OVAAL: variants seen among roughly 807,000 people sequenced by gnomAD.
OVAAL encodes the protein ovarian adenocarcinoma amplified long non-coding RNA.
At chr1:180,562,746 A>G (rs1653230574) in intron 2 of OVAAL, among the ~76,000 whole-genome samples, 1 of 152,174 alleles carries the variant, frequency 6.6e-6, no homozygotes, top group Non-Finnish European at 1.5e-5. Context: ...CTGGACAAAT[A>G]TCTGAATCAG....
chr1:180,559,062 C>A (rs7535761), intron 1 of OVAAL: 89,603 of 155,740 alleles, frequency 0.58, 26,684 homozygotes, highest in East Asian at 0.87. Context: ...AACTGTAAGT[C>A]CAATCAAATA....
chr1:180,559,690 G>A lies in OVAAL; in HGVS notation n.373-2514G>A, dbSNP rs548398926. 1.2e-4 allele frequency among the ~76,000 whole-genome samples: 19 copies of A among 152,032 alleles called. No individual in the cohort carries two copies. In the South Asian group the frequency reaches 2.9e-3, roughly 23 times the overall value. ...TGGGAGGCCGAGGTGGGTGGATCAC[G>A]AGGTCAGGAGCTCGAGACCAGCCTG... On this transcript the variant is annotated intron_variant and non_coding_transcript_variant, in intron 1 of 2. Coordinates refer to ENST00000673955, the Ensembl canonical transcript of OVAAL.
intron 1 of OVAAL, among the ~76,000 whole-genome samples, chr1:180,560,916 A>G (rs1026422297): frequency 2.6e-5 from 4 of 152,208 alleles, no homozygotes; most frequent in African/African-American, 9.6e-5. Flanking sequence ...TTGTTCTAGG[A>G]ATACCAAAGA....
intron 1 of OVAAL, among the ~76,000 whole-genome samples, chr1:180,561,122 T>C (rs1396342560): frequency 6.6e-6 from 1 of 152,186 alleles, no homozygotes; most frequent in Non-Finnish European, 1.5e-5. Context: ...TTTGCTCTGC[T>C]CTTCCCTGGC....
At chr1:180,561,305 A>T (rs1040724421) in intron 1 of OVAAL, among the ~76,000 whole-genome samples, 1 of 152,220 alleles carries the variant, frequency 6.6e-6, no homozygotes, top group Admixed American at 6.5e-5. Context: ...AGCTGCAGTT[A>T]TGGCAAGAAG....
intron 2 of OVAAL, among the ~76,000 whole-genome samples, chr1:180,564,019 A>G (rs1462271850): frequency 6.6e-6 from 1 of 152,142 alleles, no homozygotes; most frequent in Non-Finnish European, 1.5e-5. Context: ...CTAGCTACCT[A>G]CTGTAACAGG....
At chr1:180,563,391 C>T (rs1034056033) in intron 2 of OVAAL, among the ~76,000 whole-genome samples, 4 of 152,104 alleles carry the variant, frequency 2.6e-5, no homozygotes, top group East Asian at 1.9e-4. Flanking sequence ...GTGGAGAATT[C>T]GTACGGGTCG....
chr1:180,561,025 T>TTCAC (rs1347089559), intron 1 of OVAAL, among the ~76,000 whole-genome samples: 1 of 152,074 alleles, frequency 6.6e-6, no homozygotes, highest in East Asian at 1.9e-4. Context: ...ACGGTGGGGC[T>TTCAC]TGAGTCACTG....
chr1:180,563,507 G>T (rs1369875787), intron 2 of OVAAL, among the ~76,000 whole-genome samples: 2 of 152,180 alleles, frequency 1.3e-5, no homozygotes, highest in African/African-American at 4.8e-5. Flanking sequence ...GGAAGGAAAG[G>T]ACACTTAGAA....
intron 1 of OVAAL, among the ~76,000 whole-genome samples, chr1:180,559,469 G>A (rs937434313): frequency 6.6e-6 from 1 of 152,202 alleles, no homozygotes. Context: ...GAACTTAAGA[G>A]AGACAATTTC....
chr1:180,564,205 C>A (rs1307796162), intron 2 of OVAAL, among the ~76,000 whole-genome samples: 3 of 152,068 alleles, frequency 2.0e-5, no homozygotes, highest in African/African-American at 7.2e-5. Context: ...AAAAGCTAGC[C>A]ATGCTCTTAA....
intron 2 of OVAAL, among the ~76,000 whole-genome samples, chr1:180,564,836 G>A (rs1173593752): frequency 1.3e-5 from 2 of 152,064 alleles, no homozygotes; most frequent in Non-Finnish European, 1.5e-5. Flanking sequence ...TGATGTTTGA[G>A]CCCCACTCCA....
chr1:180,560,078 T>A (rs1489404912), intron 1 of OVAAL, among the ~76,000 whole-genome samples: 1 of 152,082 alleles, frequency 6.6e-6, no homozygotes, highest in Non-Finnish European at 1.5e-5. Flanking sequence ...GATACATTAG[T>A]ATTATTACAG....
chr1:180,563,960 A>C (rs1283236197), intron 2 of OVAAL, among the ~76,000 whole-genome samples: 3 of 151,704 alleles, frequency 2.0e-5, no homozygotes, highest in Non-Finnish European at 1.5e-5. Flanking sequence ...TGGTCGCCTG[A>C]CTTTCCCGGT....
At chr1:180,566,499 T>C (rs1199515422) in exon 3 of OVAAL, 3 of 152,238 alleles carry the variant, frequency 2.0e-5, no homozygotes, top group African/African-American at 7.2e-5. Flanking sequence ...CTGTGCCCTT[T>C]AATAAATTTT....
chr1:180,561,489 G>A (rs1242879983), intron 1 of OVAAL, among the ~76,000 whole-genome samples: 1 of 152,178 alleles, frequency 6.6e-6, no homozygotes, highest in Non-Finnish European at 1.5e-5. Context: ...CATGCTGACA[G>A]CTCTCAGCAT....
chr1:180,564,245 G>A (rs762845156), intron 2 of OVAAL, among the ~76,000 whole-genome samples: 18 of 138,036 alleles, frequency 1.3e-4, no homozygotes, highest in East Asian at 3.9e-4. Context: ...GTCTAAAGTC[G>A]GATTGCCAGT....
intron 2 of OVAAL, among the ~76,000 whole-genome samples, chr1:180,563,995 CT>C (rs1653253946): frequency 6.6e-6 from 1 of 152,148 alleles, no homozygotes; most frequent in Admixed American, 6.5e-5. Flanking sequence ...CTCTTCTGTC[CT>C]GTTTGTGTCT....
At chr1:180,563,610 C>T (rs774403586) in intron 2 of OVAAL, among the ~76,000 whole-genome samples, 4 of 152,270 alleles carry the variant, frequency 2.6e-5, no homozygotes, top group East Asian at 1.9e-4. Flanking sequence ...CTGATTCTTT[C>T]GTTGAGGGTG....
Sources: allele counts gnomAD v4.1 joint callset (sites outside exome capture counted in the v4.1 genomes callset), GRCh38; gene constraint gnomAD v4.1.1; transcripts MANE v1.5; gene names NCBI Gene and HGNC (gene_info 2026-07-23, HGNC 2026-07-21).